Variants in SLC25A25 observed in about 807,000 individuals in gnomAD.
The protein encoded by SLC25A25 is mitochondrial adenyl nucleotide antiporter SLC25A25.
SLC25A25 carries 32 observed loss-of-function variants against 57.7 expected under a neutral mutation model. The observed-to-expected ratio is 0.55, with a 90% confidence interval of 0.42 to 0.74. The LOEUF (loss-of-function observed/expected upper bound fraction) is 0.74, where lower values mean the gene tolerates loss of function less well. Among genes scored for constraint, SLC25A25 ranks in the 30% least tolerant of loss-of-function variants. The probability of loss-of-function intolerance (pLI) is 0.00; values close to 1 mark genes in which losing one functional copy is unlikely to be tolerated. For missense variants in SLC25A25, 556 were observed against 701.3 expected, an observed-to-expected ratio of 0.79 and a Z score of 2.34; for synonymous variants, 306 against 291.2, an observed-to-expected ratio of 1.05 and a Z score of -0.52.
chr9:128,091,738 T>G, intron 1 of SLC25A25: 1 of 1,470,854 alleles, frequency 6.8e-7, no homozygotes, highest in South Asian at 1.5e-5. Flanking sequence ...AAACCGCCCC[T>G]GCATGCAGAG....
intron 1 of SLC25A25, among the ~76,000 whole-genome samples, chr9:128,083,156 A>C (rs12339693): frequency 0.74 from 111,702 of 150,472 alleles, 43,275 homozygotes; most frequent in Non-Finnish European, 0.85. Flanking sequence ...TGAACCCGGG[A>C]GGTGGAGGTT....
chr9:128,103,712 C>T lies in SLC25A25; in HGVS notation c.656C>T (p.Pro219Leu), dbSNP rs1243688138. 1.2e-6 allele frequency: 2 copies of T among 1,614,048 alleles called. No homozygotes were observed. The highest frequency in any genetic ancestry group is 8.5e-7 in the Non-Finnish European group (1 of 1,180,018). Residue 219 changes from proline to leucine, a missense_variant, in exon 6 of 11, where the codon CCG (proline) becomes CTG (leucine). Around this residue, in one of 3 missense-constraint regions of SLC25A25, gnomAD observed 14 missense variants for 38.2 expected, o/e 0.37. Transcript: ENST00000373069. The surrounding 1 kb of genome is among the most constrained non-coding windows in gnomAD (Gnocchi z 6.7). ...GATGTGGGTGAGAATCTAACGGTCC[C>T]GGATGAGTTCACAGTGGAGGAGAGG... ...IFDVGENLTVPDEFTVEERQT... is the reference protein window; with the variant it reads ...IFDVGENLTVLDEFTVEERQT...
intron 1 of SLC25A25, 145 bp from the exon 2 acceptor site, chr9:128,100,951 T>G: frequency 8.9e-7 from 1 of 1,120,232 alleles, no homozygotes; most frequent in Non-Finnish European, 1.3e-6. Context: ...ATGGTGGCTC[T>G]GAGAGTGGAG....
At position 128,099,232 on chromosome 9, in the gene SLC25A25, C is replaced by T. The variant is rs947565811; in HGVS notation, c.262-1864C>T. The T allele has an allele frequency of 3.1e-6, 4 of 1,288,864 alleles. No individual in the cohort carries two copies. Among genetic ancestry groups the T allele is most frequent in the Non-Finnish European group, 4.0e-6 (4 of 988,466 alleles). The allele number at this position is 1,288,864 out of a possible 1,614,324, so 79.8% of individuals were successfully genotyped here. Reference sequence around the variant, plus strand: ...AGCTGCAGAGTCCGGAGGCCCCTTGCCACCTCGGCTTCTCGGTTAATCAGT... The same window carrying T: ...AGCTGCAGAGTCCGGAGGCCCCTTGTCACCTCGGCTTCTCGGTTAATCAGT... On this transcript the variant is annotated intron_variant, in intron 1 of 10. Transcript: ENST00000373069. This position sits in a 1 kb window ranked among gnomAD's most constrained non-coding sequence, Gnocchi z 6.8.
chr9:128,075,731 CTA>C (rs1320180955), intron 1 of SLC25A25, among the ~76,000 whole-genome samples: 1 of 151,986 alleles, frequency 6.6e-6, no homozygotes, highest in Non-Finnish European at 1.5e-5. Flanking sequence ...GTAATCCCAG[CTA>C]CTCGGGAGGC....
Position 128,103,542 on chromosome 9 carries a change from G to A in SLC25A25, c.625-139G>A, listed in dbSNP as rs755229672. On this transcript the variant is annotated intron_variant, in intron 5 of 10. Transcript: ENST00000373069. The surrounding 1 kb of genome is among the most constrained non-coding windows in gnomAD (Gnocchi z 6.7). Reference sequence around the variant, plus strand: ...AGAGTGAAGGGAAAGACCCCAGCCCGCTTCCCACCCAGAGTCCTTGGCCTT... The same window carrying A: ...AGAGTGAAGGGAAAGACCCCAGCCCACTTCCCACCCAGAGTCCTTGGCCTT... 1.1e-4 allele frequency: 106 copies of A among 1,003,862 alleles called. 1 individual carries two copies. Among genetic ancestry groups the A allele is most frequent in the South Asian group, 4.6e-4 (30 of 64,564 alleles). 62.2% of individuals were successfully genotyped at this position (1,003,862 alleles called of 1,614,324 possible). A position where few individuals can be genotyped will look rare whatever the true frequency, so the allele number is the denominator to read the frequency against.
At chr9:128,088,585 G>A (rs1281932727) in intron 1 of SLC25A25, among the ~76,000 whole-genome samples, 1 of 152,206 alleles carries the variant, frequency 6.6e-6, no homozygotes, top group East Asian at 1.9e-4. Flanking sequence ...GGCAATGGGA[G>A]GCGCTCCTGG....
intron 1 of SLC25A25, among the ~76,000 whole-genome samples, chr9:128,089,692 G>T (rs1392745002): frequency 6.7e-5 from 10 of 150,110 alleles, no homozygotes; most frequent in Non-Finnish European, 1.5e-4. Flanking sequence ...GACTGCAGTG[G>T]CACGATGATG....
intron 1 of SLC25A25, among the ~76,000 whole-genome samples, chr9:128,093,750 G>T (rs1376834709): frequency 1.3e-5 from 2 of 152,262 alleles, no homozygotes; most frequent in East Asian, 3.8e-4. Flanking sequence ...TCCTTTTCCA[G>T]AACAGTGCTC....
intron 1 of SLC25A25, among the ~76,000 whole-genome samples, chr9:128,070,890 C>T (rs1054852994): frequency 3.8e-5 from 5 of 133,298 alleles, no homozygotes; most frequent in African/African-American, 5.6e-5. Context: ...GCGGAGATTG[C>T]GGTGAGCTGA....
chr9:128,083,236 A>AAT (rs1554732348), intron 1 of SLC25A25, among the ~76,000 whole-genome samples: 7 of 142,562 alleles, frequency 4.9e-5, no homozygotes, highest in African/African-American at 1.5e-4. Flanking sequence ...TCAAAAAAAA[A>AAT]AAATAAATAA....
rs778698864 is a variant in SLC25A25, at chr9:128,100,934, G to T, written c.262-162G>T. The T allele has an allele frequency of 6.3e-6, 6 of 948,888 alleles. No homozygotes were observed. In the South Asian group the frequency reaches 1.1e-4, roughly 17 times the overall value. The allele number at this position is 948,888 out of a possible 1,614,324, so 58.8% of individuals were successfully genotyped here. On this transcript the variant is annotated intron_variant, in intron 1 of 10. Coordinates refer to ENST00000373069, the MANE Select transcript of SLC25A25 (RefSeq NM_001330988.2). ...AGGTGGTGGCTCTGGCATGTAAGTC[G>T]ATTGCCATGGTGGCTCTGAGAGTGG... is the stretch of plus-strand genomic sequence containing the variant.
chr9:128,083,979 G>C (rs1295800036), intron 1 of SLC25A25, among the ~76,000 whole-genome samples: 2 of 152,020 alleles, frequency 1.3e-5, no homozygotes, highest in African/African-American at 4.8e-5. Context: ...GGTGCTCCAG[G>C]CTCCTTTATA....
chr9:128,102,542 CA>C lies in SLC25A25; in HGVS notation c.624+62del, dbSNP rs1471387371. 1.5e-6 allele frequency: 2 copies of C among 1,362,108 alleles called. No homozygotes were observed. The highest frequency in any genetic ancestry group is 2.9e-5 in the African/African-American group (2 of 69,420). The allele number at this position is 1,362,108 out of a possible 1,614,324, so 84.4% of individuals were successfully genotyped here. A position where few individuals can be genotyped will look rare whatever the true frequency, so the allele number is the denominator to read the frequency against. ...CAGGGACCCTTAGCCCAGAGTCACCCAGTCGTCCCCATCCCAGAGTGCAGCT... is the reference window on the plus strand; with the variant it reads ...CAGGGACCCTTAGCCCAGAGTCACCCGTCGTCCCCATCCCAGAGTGCAGCT... On this transcript the variant is annotated intron_variant, in intron 5 of 10. Coordinates refer to ENST00000373069, the MANE Select transcript of SLC25A25 (RefSeq NM_001330988.2). This position sits in a 1 kb window ranked among gnomAD's most constrained non-coding sequence, Gnocchi z 4.1.
chr9:128,093,972 AC>A (rs1237969766), intron 1 of SLC25A25, among the ~76,000 whole-genome samples: 1 of 152,112 alleles, frequency 6.6e-6, no homozygotes, highest in African/African-American at 2.4e-5. Context: ...ATATGGTGAA[AC>A]CCCGTCTCTA....
intron 1 of SLC25A25, among the ~76,000 whole-genome samples, chr9:128,080,260 A>T (rs58582540): frequency 6.9e-6 from 1 of 144,798 alleles, no homozygotes; most frequent in East Asian, 2.1e-4. Context: ...CAAAAAAAAA[A>T]CCCACAAAAA....
Position 128,101,911 on chromosome 9 carries a change from C to G in SLC25A25, c.477-169C>G, listed in dbSNP as rs1042593010. Among the ~76,000 whole-genome samples, 1 of 152,254 alleles carries G rather than the reference C, an allele frequency of 6.6e-6. No homozygotes were observed. Among genetic ancestry groups the G allele is most frequent in the Non-Finnish European group, 1.5e-5 (1 of 68,048 alleles). On this transcript the variant is annotated intron_variant, in intron 3 of 10. Transcript: ENST00000373069. This position sits in a 1 kb window ranked among gnomAD's most constrained non-coding sequence, Gnocchi z 4.9. ...TTCCGGAAACCCTGCGGTCTGAACA[C>G]TGGCTGGTCCTCGGGGACAGCAGCC...
rs1348963967 is a variant in SLC25A25, at chr9:128,107,164, C to T, written c.1348C>T (p.Arg450Trp). ...ASYPLALVRTRMQAQASIEGA... is the reference protein window; with the variant it reads ...ASYPLALVRTWMQAQASIEGA... ...CTACCCCCTGGCCCTAGTCAGGACC[C>T]GGATGCAGGCGCAAGGTAAGGCTGG... Residue 450 changes from arginine to tryptophan, a missense_variant, in exon 10 of 11, where the codon CGG (arginine) becomes TGG (tryptophan). Arg to Trp is a moderately radical substitution (Grantham distance 101). Transcript: ENST00000373069. 9 of 1,613,768 alleles carry T rather than the reference C, an allele frequency of 5.6e-6. No homozygotes were observed. Among genetic ancestry groups the T allele is most frequent in the Admixed American group, 1.7e-5 (1 of 59,998 alleles).
intron 1 of SLC25A25, among the ~76,000 whole-genome samples, chr9:128,094,820 A>G (rs1833513047): frequency 6.6e-6 from 1 of 152,240 alleles, no homozygotes; most frequent in African/African-American, 2.4e-5. Context: ...GAAGATGCTC[A>G]GGAGAGGAAC....
Sources: allele counts gnomAD v4.1 joint callset (sites outside exome capture counted in the v4.1 genomes callset), GRCh38; gene constraint gnomAD v4.1.1; regional missense constraint gnomAD v4.1.1; non-coding constraint Gnocchi (gnomAD v3.1); transcripts MANE v1.5; gene names NCBI Gene and HGNC (gene_info 2026-07-23, HGNC 2026-07-21).